The following FOCAD variants were observed in gnomAD, a reference collection of about 807,000 sequenced individuals.
The protein encoded by FOCAD is KIAA1797.
A neutral mutation model predicts 225.6 loss-of-function variants in FOCAD; 198 were observed. The observed-to-expected ratio is 0.88, with a 90% CI of 0.78 to 0.99. The LOEUF (loss-of-function observed/expected upper bound fraction) is 0.99. FOCAD is among the 50% of genes least tolerant of loss of function. The pLI is 0.00. For missense variants in FOCAD, 2,713 were observed against 2,123.6 expected (o/e 1.28, Z -5.46); for synonymous variants, 897 against 755.0 (o/e 1.19, Z -3.08).
intron 33 of FOCAD, 119 bp downstream of exon 33, chr9:20,949,794 G>A (rs891426675): frequency 1.4e-5 from 12 of 848,374 alleles, no homozygotes; most frequent in East Asian, 2.5e-5. Flanking sequence ...GGTTATTCCC[G>A]CTGAGTTCAA....
chr9:20,813,369 T>A (rs1185407817), intron 11 of FOCAD, among the ~76,000 whole-genome samples: 1 of 152,116 alleles, frequency 6.6e-6, no homozygotes, highest in East Asian at 1.9e-4. Context: ...TTCTTTTGCA[T>A]AAACAACCTC....
intron 2 of FOCAD, among the ~76,000 whole-genome samples, chr9:20,660,600 C>T (rs1057160076): frequency 5.9e-5 from 9 of 151,878 alleles, no homozygotes; most frequent in Non-Finnish European, 1.3e-4. Context: ...AAAGAAGATC[C>T]GAAGAGACAG....
intron 19 of FOCAD, among the ~76,000 whole-genome samples, chr9:20,878,989 T>A (rs1051236891): frequency 2.6e-5 from 4 of 152,188 alleles, no homozygotes; most frequent in African/African-American, 4.8e-5. Context: ...TCTCTGGGTC[T>A]CTGGACAATT....
chr9:20,738,418 G>T (rs1318466391), intron 4 of FOCAD, among the ~76,000 whole-genome samples: 1 of 152,222 alleles, frequency 6.6e-6, no homozygotes, highest in Non-Finnish European at 1.5e-5. Flanking sequence ...CCAATGTGTA[G>T]CATGTGAGCA....
Position 20,976,431 on chromosome 9 carries a change from G to A in FOCAD, c.4144G>A (p.Val1382Met), listed in dbSNP as rs756175654. The A allele has an allele frequency of 8.7e-6, 14 of 1,612,966 alleles. No individual in the cohort carries two copies. Among genetic ancestry groups the A allele is most frequent in the Non-Finnish European group, 1.2e-5 (14 of 1,179,148 alleles). The change falls in exon 36 of 44, where the codon GTG (valine) becomes ATG (methionine). Residue 1382 changes from valine to methionine, a missense_variant. By Grantham distance (21) the Val-to-Met change is conservative. Transcript: ENST00000338382. ...ITGGKKGPESVPPSLLKVVMK... is the reference protein window; with the variant it reads ...ITGGKKGPESMPPSLLKVVMK... ...ACTGTCTGTTATAGGTCCTGAATCT[G>A]TGCCTCCTTCCCTTCTTAAAGTAGT...
At chr9:20,740,149 A>C (rs1248013755) in intron 4 of FOCAD, 87 bp from the exon 5 acceptor site, 2 of 871,480 alleles carry the variant, frequency 2.3e-6, no homozygotes, top group Non-Finnish European at 1.8e-6. Context: ...GCAAGTATTA[A>C]AATTATTTTA....
chr9:20,756,868 G>T (rs541030750), intron 5 of FOCAD, among the ~76,000 whole-genome samples: 6 of 152,236 alleles, frequency 3.9e-5, no homozygotes, highest in Admixed American at 6.5e-5. Flanking sequence ...CCGTGTATGT[G>T]GTTCCTTTTA....
Position 20,729,423 on chromosome 9 carries a change from T to C in FOCAD, c.287+8889T>C, listed in dbSNP as rs573441248. On this transcript the variant is annotated intron_variant, in intron 4 of 43. Coordinates refer to ENST00000338382, the MANE Select transcript of FOCAD (RefSeq NM_001375567.1). ...ACTTTCTCTATAAGGATACCGGTTA[T>C]TGGATTTACGACCCACCTAGGATGA... is the stretch of plus-strand genomic sequence containing the variant. Among the ~76,000 whole-genome samples the C allele has an allele frequency of 2.6e-4, 39 of 152,340 alleles. 2 individuals carry two copies. The South Asian group carries it at 8.1e-3, about 32-fold the overall frequency.
chr9:20,812,433 GT>G (rs1823185590), intron 11 of FOCAD, among the ~76,000 whole-genome samples: 1 of 151,740 alleles, frequency 6.6e-6, no homozygotes, highest in South Asian at 2.1e-4. Flanking sequence ...TAAGATTTTC[GT>G]TATAGAACTG....
intron 7 of FOCAD, among the ~76,000 whole-genome samples, chr9:20,768,031 G>A (rs190310010): frequency 0.03 from 4,604 of 151,490 alleles, 234 homozygotes; most frequent in African/African-American, 0.11. Context: ...TCCAGTTACA[G>A]CTTTCTCCAT....
chr9:20,808,246 C>A (rs12685470), intron 11 of FOCAD, among the ~76,000 whole-genome samples: 24,553 of 152,088 alleles, frequency 0.16, 2,488 homozygotes, highest in Non-Finnish European at 0.22. Context: ...GCCTCAATAC[C>A]TATACTTTGT....
rs190700716 is a variant in FOCAD at position 20,768,993 on chromosome 9, A to G, written c.700-1039A>G. On this transcript the variant is annotated intron_variant, in intron 7 of 43. Transcript: ENST00000338382. ...CTTTTTTTGTTATGGAAAATTAGAA[A>G]TGTACACATAAATGCACTCAAGGAA... 5.3e-4 allele frequency among the ~76,000 whole-genome samples: 81 copies of G among 152,278 alleles called. 1 individual carries two copies. Among genetic ancestry groups the G allele is most frequent in the Admixed American group, 9.8e-4 (15 of 15,286 alleles).
upstream of FOCAD, among the ~76,000 whole-genome samples, chr9:20,655,935 C>CA (rs1303351775): frequency 1.3e-5 from 2 of 152,120 alleles, no homozygotes; most frequent in African/African-American, 4.8e-5. Flanking sequence ...TTTCCCTCTA[C>CA]ACACTGCTTT....
chr9:20,759,140 A>G (rs78009709), intron 6 of FOCAD, among the ~76,000 whole-genome samples: 2 of 152,184 alleles, frequency 1.3e-5, no homozygotes, highest in Admixed American at 6.5e-5. Context: ...ATGGAAGAAC[A>G]TTCCATGCTC....
chr9:20,898,378 T>C (rs955194581), intron 21 of FOCAD, among the ~76,000 whole-genome samples: 2 of 151,822 alleles, frequency 1.3e-5, no homozygotes, highest in African/African-American at 4.8e-5. Context: ...TTATAACTTT[T>C]GTAGTTGTCC....
chr9:20,923,434 G>C (rs1346073935), intron 24 of FOCAD, among the ~76,000 whole-genome samples: 1 of 152,070 alleles, frequency 6.6e-6, no homozygotes. Context: ...TTATGAAAAG[G>C]CATAATGACC....
intron 11 of FOCAD, among the ~76,000 whole-genome samples, chr9:20,802,434 G>T (rs1821947791): frequency 6.6e-6 from 1 of 152,008 alleles, no homozygotes; most frequent in Admixed American, 6.6e-5. Context: ...TGTCTTCAAA[G>T]GGAATTTTTA....
chr9:20,894,379 C>T (rs574903340), intron 21 of FOCAD, among the ~76,000 whole-genome samples: 58 of 152,158 alleles, frequency 3.8e-4, no homozygotes, highest in African/African-American at 1.3e-3. Context: ...TTTCAACTCT[C>T]GGGTAAATGC....
chr9:20,960,305 ACTGCATCCCAT>A (rs1373417470), intron 35 of FOCAD, among the ~76,000 whole-genome samples: 2 of 152,176 alleles, frequency 1.3e-5, no homozygotes, highest in East Asian at 3.8e-4. Flanking sequence ...TGTGCTTCTC[ACTGCATCCCAT>A]CTGTGGCACA....
Sources: gnomAD v4.1 joint callset for allele counts (sites outside exome capture counted in the v4.1 genomes callset) on GRCh38, gnomAD v4.1.1 for gene constraint, MANE v1.5 for transcripts, NCBI Gene and HGNC (gene_info 2026-07-23, HGNC 2026-07-21) for gene names.